Variants in EXD3 observed in about 807,000 individuals in gnomAD.
The protein encoded by EXD3 is exonuclease mut-7 homolog.
A neutral mutation model predicts 98.0 loss-of-function variants in EXD3; 92 were observed. That is an observed-to-expected ratio of 0.94 (90% CI 0.79 to 1.12). The LOEUF (loss-of-function observed/expected upper bound fraction) is 1.12, where lower values mean the gene tolerates loss of function less well. Among genes scored for constraint, EXD3 ranks in the 50% most tolerant of loss-of-function variants. EXD3 has a pLI of 0.00. For synonymous variants in EXD3, 569 were observed against 526.0 expected (o/e 1.08, Z -1.12); for missense variants, 1,222 against 1,191.6 (o/e 1.03, Z -0.38).
rs1050971430 is a variant in EXD3 at position 137,371,422 on chromosome 9, G to C, written c.462+1483C>G. Among the ~76,000 whole-genome samples, 1 of 152,108 alleles carries C rather than the reference G, an allele frequency of 6.6e-6. No individual in the cohort carries two copies. The highest frequency in any genetic ancestry group is 2.4e-5 in the African/African-American group (1 of 41,406). On this transcript the variant is annotated intron_variant, in intron 5 of 21. Coordinates refer to ENST00000340951, the MANE Select transcript of EXD3 (RefSeq NM_017820.5). The surrounding 1 kb of genome is among the most constrained non-coding windows in gnomAD (Gnocchi z 8.0). ...CAGGGGACACTCCTGTGAGGGCCCG[G>C]CCAGGGCAGCCCCCGATGCCCGTGC...
At chr9:137,357,865 T>TA (rs1209688807) in intron 7 of EXD3, among the ~76,000 whole-genome samples, 2 of 151,848 alleles carry the variant, frequency 1.3e-5, no homozygotes, top group Admixed American at 6.6e-5. Flanking sequence ...CTGAAGAACT[T>TA]AGAGTCTGAT....
intron 17 of EXD3, among the ~76,000 whole-genome samples, chr9:137,328,652 C>G (rs1199559956): frequency 1.7e-5 from 1 of 59,132 alleles, no homozygotes; most frequent in Non-Finnish European, 2.9e-5. Flanking sequence ...CTACACGGGA[C>G]TACACGGGAC....
At chr9:137,338,638 G>A (rs28438828) in intron 17 of EXD3, among the ~76,000 whole-genome samples, 3,751 of 151,714 alleles carry the variant, frequency 0.025, 135 homozygotes, top group African/African-American at 0.084. Context: ...TGTAATCCCA[G>A]CACTTTGGGA....
chr9:137,407,610 G>A lies in EXD3; in HGVS notation c.-47-12206C>T, dbSNP rs1387350326. Among the ~76,000 whole-genome samples, 1 of 152,234 alleles carries A rather than the reference G, an allele frequency of 6.6e-6. No homozygotes were observed. The highest frequency in any genetic ancestry group is 1.5e-5 in the Non-Finnish European group (1 of 68,044). On this transcript the variant is annotated intron_variant, in intron 1 of 21. Coordinates refer to ENST00000340951, the MANE Select transcript of EXD3 (RefSeq NM_017820.5). This position sits in a 1 kb window ranked among gnomAD's most constrained non-coding sequence, Gnocchi z 4.4. ...CCTTCAGAGGGTCCCTGACAGGGAA[G>A]GATGGAGACGCAGCTCCAGACCCCA...
intron 10 of EXD3, chr9:137,354,000 G>A (rs986473676): frequency 9.8e-5 from 110 of 1,128,008 alleles, no homozygotes; most frequent in Middle Eastern, 7.4e-4. Context: ...TCCTCCTTCC[G>A]GCCTCGCCCA....
intron 1 of EXD3, among the ~76,000 whole-genome samples, chr9:137,420,976 A>G (rs778995258): frequency 5.3e-5 from 8 of 152,144 alleles, no homozygotes; most frequent in Non-Finnish European, 1.0e-4. Flanking sequence ...CACTATGCCC[A>G]GGTAATTTTT....
At chr9:137,348,756 T>TC (rs1449189833) in intron 16 of EXD3, among the ~76,000 whole-genome samples, 1 of 21,352 alleles carries the variant, frequency 4.7e-5, no homozygotes. Context: ...CGGGGAGGGG[T>TC]TAGATAGAGA....
At chr9:137,328,485 A>ACTAATATACACCCATATG (rs1336695260) in intron 17 of EXD3, among the ~76,000 whole-genome samples, 20 of 151,744 alleles carry the variant, frequency 1.3e-4, no homozygotes, top group East Asian at 2.0e-4. Context: ...AGTAAAAACA[A>ACTAATATACACCCATATG]AAGTAAAAAC....
rs185958521 is a variant in EXD3, at chr9:137,405,484, C to A, written c.-47-10080G>T. Among the ~76,000 whole-genome samples the A allele has an allele frequency of 1.3e-5, 2 of 152,152 alleles. No individual in the cohort carries two copies. The highest frequency in any genetic ancestry group is 4.8e-5 in the African/African-American group (2 of 41,454). On this transcript the variant is annotated intron_variant, in intron 1 of 21. Transcript: ENST00000340951. The surrounding 1 kb of genome is among the most constrained non-coding windows in gnomAD (Gnocchi z 4.1). ...GGGCGGCCGTCGCAGGCCACTCACCCGTCCCCAGCCACTCACCCGTCCCCA... is the reference window on the plus strand; with the variant it reads ...GGGCGGCCGTCGCAGGCCACTCACCAGTCCCCAGCCACTCACCCGTCCCCA...
intron 19 of EXD3, among the ~76,000 whole-genome samples, chr9:137,314,416 C>T (rs528730601): frequency 1.3e-5 from 2 of 152,292 alleles, no homozygotes; most frequent in Admixed American, 1.3e-4. Context: ...GAGCCCCTGG[C>T]CCCTGGGGAG....
At position 137,385,251 on chromosome 9, in the gene EXD3, C is replaced by T. The variant is rs11522293; in HGVS notation, c.56-1874G>A. Among the ~76,000 whole-genome samples, 43,649 of 152,178 alleles carry T rather than the reference C, an allele frequency of 0.29. 6,553 individuals are homozygous for T. The highest frequency in any genetic ancestry group is 0.38 in the Middle Eastern group (112 of 294). ...GTGTGCTGCATACAGAGGCTGAGAA[C>T]ACTCAAATGTCCACTGTAGGAGGAC... On this transcript the variant is annotated intron_variant, in intron 2 of 21. Transcript: ENST00000340951. This position sits in a 1 kb window ranked among gnomAD's most constrained non-coding sequence, Gnocchi z 4.4.
At chr9:137,325,322 G>T (rs901657761) in intron 17 of EXD3, among the ~76,000 whole-genome samples, 2 of 152,230 alleles carry the variant, frequency 1.3e-5, no homozygotes, top group African/African-American at 4.8e-5. Context: ...GGACTCAGGA[G>T]CCAGCAGGGC....
chr9:137,355,549 GGAGGAA>G, intron 8 of EXD3, among the ~76,000 whole-genome samples: 1 of 98,148 alleles, frequency 1.0e-5, no homozygotes, highest in Non-Finnish European at 2.1e-5. Context: ...GAAGGAGGAA[GGAGGAA>G]GGAGGAAGGG....
rs556010344 is a variant in EXD3, at chr9:137,409,314, G to A, written c.-48+13800C>T. ...TCCTCATTCAGAATCCCGCCAGCATGAACGCCTCCTCGGATGCTCCCCTCA... is the reference window on the plus strand; with the variant it reads ...TCCTCATTCAGAATCCCGCCAGCATAAACGCCTCCTCGGATGCTCCCCTCA... On this transcript the variant is annotated intron_variant, in intron 1 of 21. Coordinates refer to ENST00000340951, the MANE Select transcript of EXD3 (RefSeq NM_017820.5). Among the ~76,000 whole-genome samples the A allele has an allele frequency of 2.6e-5, 4 of 152,364 alleles. No homozygotes were observed. In the South Asian group the frequency reaches 8.3e-4, roughly 32 times the overall value.
chr9:137,382,560 C>T (rs1836370137), intron 3 of EXD3, among the ~76,000 whole-genome samples: 1 of 152,196 alleles, frequency 6.6e-6, no homozygotes, highest in African/African-American at 2.4e-5. Flanking sequence ...GCCCAAGAAG[C>T]CACCGAGCTG....
In EXD3 at chr9:137,367,939, T is replaced by C; in HGVS notation, c.513A>G (p.Glu171=). Residue 171 remains glutamate (E), a synonymous_variant, in exon 6 of 22, where the codon GAA becomes GAG. Transcript: ENST00000340951. Reference sequence around the variant, plus strand: ...TTTACATGAGAAAGACGTTCACCTTTTCAACGCCAAGCTCCGACTGCAGCT... The same window carrying C: ...TTTACATGAGAAAGACGTTCACCTTCTCAACGCCAAGCTCCGACTGCAGCT... ...TLKLQSELGV[E]KMSIPLLLQD... The C allele has an allele frequency of 6.2e-7, 1 of 1,612,166 alleles. No individual in the cohort carries two copies. The highest frequency in any genetic ancestry group is 2.2e-5 in the East Asian group (1 of 44,882).
In EXD3 at chr9:137,354,735, C is replaced by A. The variant is rs1834521931; in HGVS notation, c.796G>T (p.Ala266Ser). ...CGCTTGTGGCACAGGTGCCGCAGGG[C>A]CGCCAGGCGCTGCTGAATGGCCGCG... is the stretch of plus-strand genomic sequence containing the variant. ...PNAAIQQRLAALRHLCHKRFV... is the reference protein window; with the variant it reads ...PNAAIQQRLASLRHLCHKRFV... Residue 266 changes from alanine to serine, a missense_variant, in exon 9 of 22, where the codon GCC (alanine) becomes TCC (serine). Physicochemically the swap from Ala to Ser is moderately conservative, Grantham distance 99. Transcript: ENST00000340951. 5 of 1,610,742 alleles carry A rather than the reference C, an allele frequency of 3.1e-6. No individual in the cohort carries two copies. Among genetic ancestry groups the A allele is most frequent in the Non-Finnish European group, 4.2e-6 (5 of 1,179,676 alleles).
At chr9:137,326,769 C>G (rs1832426378) in intron 17 of EXD3, among the ~76,000 whole-genome samples, 2 of 152,072 alleles carry the variant, frequency 1.3e-5, no homozygotes, top group South Asian at 4.1e-4. Flanking sequence ...AATGGTGTGG[C>G]CGCCGTGGAA....
chr9:137,390,757 G>A (rs1027308733), intron 2 of EXD3, among the ~76,000 whole-genome samples: 3 of 152,202 alleles, frequency 2.0e-5, no homozygotes, highest in Admixed American at 6.5e-5. Flanking sequence ...CGCAGCCTTG[G>A]AGGCAGAGAA....
Sources: allele counts gnomAD v4.1 joint callset (sites outside exome capture counted in the v4.1 genomes callset), GRCh38; gene constraint gnomAD v4.1.1; non-coding constraint Gnocchi (gnomAD v3.1); transcripts MANE v1.5; gene names NCBI Gene and HGNC (gene_info 2026-07-23, HGNC 2026-07-21).